FYB1: variants seen among roughly 807,000 people sequenced by gnomAD.
FYB1 encodes the protein FYN-binding protein 1.
A neutral mutation model predicts 94.1 loss-of-function variants in FYB1; 41 were observed. The observed-to-expected ratio is 0.44, with a 90% CI of 0.34 to 0.57. FYB1 has a LOEUF of 0.57. FYB1 is among the 20% of genes least tolerant of loss of function. The pLI, the probability that FYB1 is intolerant of heterozygous loss-of-function variation, is 0.02. For missense variants in FYB1, 1,050 were observed against 976.8 expected (o/e 1.07, Z -1.00); for synonymous variants, 367 against 353.2 (o/e 1.04, Z -0.44).
chr5:39,264,027 A>G (rs1436661127), intron 1 of FYB1, among the ~76,000 whole-genome samples: 1 of 152,186 alleles, frequency 6.6e-6, no homozygotes, highest in African/African-American at 2.4e-5. Context: ...TTAGAAGGTG[A>G]GGCCTTTGGG....
chr5:39,265,302 A>G (rs1752381911), intron 1 of FYB1, among the ~76,000 whole-genome samples: 1 of 152,122 alleles, frequency 6.6e-6, no homozygotes, highest in Non-Finnish European at 1.5e-5. Flanking sequence ...TAACATGGTG[A>G]AACCCCATCT....
intron 3 of FYB1, among the ~76,000 whole-genome samples, chr5:39,151,535 C>T (rs1200372173): frequency 6.6e-6 from 1 of 152,182 alleles, no homozygotes; most frequent in Admixed American, 6.5e-5. Context: ...AGCGATCCTC[C>T]CACCTCTGTC....
intron 1 of FYB1, among the ~76,000 whole-genome samples, chr5:39,258,720 GC>G (rs771069777): frequency 6.6e-6 from 1 of 152,114 alleles, no homozygotes; most frequent in Non-Finnish European, 1.5e-5. Context: ...GTAAATGAAA[GC>G]TTTTGGCTCT....
At chr5:39,266,521 T>A (rs990120652) in intron 1 of FYB1, among the ~76,000 whole-genome samples, 6 of 152,194 alleles carry the variant, frequency 3.9e-5, no homozygotes, top group Admixed American at 3.9e-4. Flanking sequence ...TCCTTACCAA[T>A]AAGTTACAGG....
At chr5:39,233,873 G>C (rs1157891691) in intron 1 of FYB1, among the ~76,000 whole-genome samples, 1 of 152,116 alleles carries the variant, frequency 6.6e-6, no homozygotes, top group Non-Finnish European at 1.5e-5. Context: ...AGGAGAAAGT[G>C]ATAATGAAAA....
chr5:39,260,619 G>T (rs1320908763), intron 1 of FYB1, among the ~76,000 whole-genome samples: 1 of 152,120 alleles, frequency 6.6e-6, no homozygotes, highest in Non-Finnish European at 1.5e-5. Flanking sequence ...GGCAACAAAG[G>T]AAGTGAGAAG....
intron 2 of FYB1, among the ~76,000 whole-genome samples, chr5:39,168,240 A>G (rs996175809): frequency 1.3e-5 from 2 of 152,178 alleles, no homozygotes; most frequent in African/African-American, 4.8e-5. Flanking sequence ...TAGCATTGCT[A>G]TATTATCATG....
chr5:39,214,924 G>C (rs1053176375), intron 1 of FYB1, among the ~76,000 whole-genome samples: 5 of 151,834 alleles, frequency 3.3e-5, no homozygotes, highest in Admixed American at 6.6e-5. Flanking sequence ...GCGAGATTCT[G>C]TGTCAAAAAA....
intron 2 of FYB1, among the ~76,000 whole-genome samples, chr5:39,165,622 C>G (rs1481877558): frequency 6.6e-6 from 1 of 152,082 alleles, no homozygotes; most frequent in Non-Finnish European, 1.5e-5. Flanking sequence ...TACAACAAAA[C>G]CAAAAATAGA....
At chr5:39,243,943 G>A (rs1010647224) in intron 1 of FYB1, among the ~76,000 whole-genome samples, 1 of 152,118 alleles carries the variant, frequency 6.6e-6, no homozygotes, top group African/African-American at 2.4e-5. Flanking sequence ...CTCTCTGTTT[G>A]TCTGTTATTG....
At position 39,135,025 on chromosome 5, in the gene FYB1, A is replaced by G. The variant is rs747604716; in HGVS notation, c.1516-11T>C. ...AATAGGGCCTGTTAGCTGCAAAGAG[A>G]AAAAAATAGTCACAAAAGATTTCCT... On this transcript the variant is annotated splice_polypyrimidine_tract_variant and intron_variant, in intron 7 of 18. Coordinates refer to ENST00000512982, the MANE Select transcript of FYB1 (RefSeq NM_001465.6). The G allele has an allele frequency of 2.5e-6, 4 of 1,607,770 alleles. No individual in the cohort carries two copies. The highest frequency in any genetic ancestry group is 3.4e-5 in the Admixed American group (2 of 58,916).
At chr5:39,192,581 T>A (rs1747457929) in intron 2 of FYB1, among the ~76,000 whole-genome samples, 1 of 152,114 alleles carries the variant, frequency 6.6e-6, no homozygotes, top group South Asian at 2.1e-4. Context: ...GCAGGAAGAG[T>A]TCTTATAACA....
Position 39,164,515 on chromosome 5 carries a change from C to T in FYB1, c.1136-10911G>A, listed in dbSNP as rs891419992. On this transcript the variant is annotated intron_variant, in intron 2 of 18. Coordinates refer to ENST00000512982, the MANE Select transcript of FYB1 (RefSeq NM_001465.6). Reference sequence around the variant, plus strand: ...TCTCAGCTGACTGCAACATCCACTTCCCAGGTTCAAGCGATTCTTCTGCCT... The same window carrying T: ...TCTCAGCTGACTGCAACATCCACTTTCCAGGTTCAAGCGATTCTTCTGCCT... 2.0e-5 allele frequency among the ~76,000 whole-genome samples: 3 copies of T among 152,218 alleles called. No individual in the cohort carries two copies. In the East Asian group the frequency reaches 5.8e-4, roughly 29 times the overall value.
chr5:39,238,353 T>G (rs2150582560), intron 1 of FYB1, among the ~76,000 whole-genome samples: 1 of 152,076 alleles, frequency 6.6e-6, no homozygotes, highest in South Asian at 2.1e-4. Flanking sequence ...ATGCATTATA[T>G]TTTTTTAGGT....
At chr5:39,191,737 A>G (rs1289746923) in intron 2 of FYB1, among the ~76,000 whole-genome samples, 2 of 152,218 alleles carry the variant, frequency 1.3e-5, no homozygotes, top group African/African-American at 4.8e-5. Context: ...GGAAAAACAA[A>G]TAATCTATTG....
At chr5:39,188,508 C>T (rs1291115126) in intron 2 of FYB1, among the ~76,000 whole-genome samples, 2 of 151,282 alleles carry the variant, frequency 1.3e-5, no homozygotes, top group African/African-American at 4.9e-5. Flanking sequence ...GCCCCACTGC[C>T]CCCACTCTAA....
chr5:39,137,515 T>C, intron 7 of FYB1, 85 bp downstream of exon 7: 1 of 1,437,554 alleles, frequency 7.0e-7, no homozygotes, highest in Non-Finnish European at 9.2e-7. Context: ...TCTTCAACTA[T>C]GTAAGTTTTC....
rs533106025 is a variant in FYB1 at position 39,122,341 on chromosome 5, C to T, written c.2133G>A (p.Glu711=). ...AATGAAAGCATTTTAATTACCTCAT[C>T]TCTGCTGATGAAACAGGGAAATCAG... ...DTSDFPVSSA[E]MSQGTNVGKA... The change falls in exon 14 of 19, where the codon GAG becomes GAA. Residue 711 remains glutamate (E), a synonymous_variant. Coordinates refer to ENST00000512982, the MANE Select transcript of FYB1 (RefSeq NM_001465.6). The T allele has an allele frequency of 6.4e-7, 1 of 1,560,428 alleles. No individual in the cohort carries two copies. The highest frequency in any genetic ancestry group is 1.3e-5 in the African/African-American group (1 of 74,120).
At chr5:39,113,921 T>C (rs1338469540) in intron 16 of FYB1, among the ~76,000 whole-genome samples, 1 of 152,130 alleles carries the variant, frequency 6.6e-6, no homozygotes, top group African/African-American at 2.4e-5. Flanking sequence ...ATAAAAACGT[T>C]CACTCTTCCC....
Sources: gnomAD v4.1 joint callset for allele counts (sites outside exome capture counted in the v4.1 genomes callset) on GRCh38, gnomAD v4.1.1 for gene constraint, MANE v1.5 for transcripts, NCBI Gene and HGNC (gene_info 2026-07-23, HGNC 2026-07-21) for gene names.